Variants in BTBD8 observed in about 807,000 individuals in gnomAD.
The protein encoded by BTBD8 is BTB domain containing 8.
In BTBD8, 110 loss-of-function variants were observed where a neutral mutation model predicts 162.9. The observed-to-expected ratio is 0.68, with a 90% confidence interval of 0.58 to 0.79. The LOEUF is 0.79. Among genes scored for constraint, BTBD8 ranks in the 30% least tolerant of loss-of-function variants. The probability of loss-of-function intolerance (pLI) is 0.00; values close to 1 mark genes in which losing one functional copy is unlikely to be tolerated. For synonymous variants in BTBD8, 667 were observed against 716.1 expected (o/e 0.93, Z 1.10); for missense variants, 1,905 against 2,085.4 (o/e 0.91, Z 1.68).
Position 92,176,909 on chromosome 1 carries a change from T to C in BTBD8, c.1716T>C (p.Tyr572=), listed in dbSNP as rs1650729616. 3.9e-6 allele frequency: 6 copies of C among 1,535,066 alleles called. No homozygotes were observed. Among genetic ancestry groups the C allele is most frequent in the Non-Finnish European group, 5.3e-6 (6 of 1,140,984 alleles). The change falls in exon 14 of 18, where the codon TAT becomes TAC. Residue 572 remains tyrosine, a synonymous_variant. Coordinates refer to ENST00000636805, the MANE Select transcript of BTBD8 (RefSeq NM_001376131.1). ...RGNNKKECWS[Y]LSTNKKMKSD... ...ATAACAAGAAAGAGTGTTGGAGTTA[T>C]CTCTCTACTAATAAAAAGATGAAAT... is the stretch of plus-strand genomic sequence containing the variant.
chr1:92,101,072 C>T (rs1432541027), intron 2 of BTBD8, among the ~76,000 whole-genome samples: 3 of 152,082 alleles, frequency 2.0e-5, no homozygotes, highest in Non-Finnish European at 4.4e-5. Context: ...TATCCCTCAT[C>T]CTCCTTCCAC....
intron 6 of BTBD8, 52 bp from the exon 7 acceptor site, chr1:92,141,063 G>T: frequency 6.9e-7 from 1 of 1,459,780 alleles, no homozygotes; most frequent in Non-Finnish European, 9.1e-7. Flanking sequence ...AGTATGTGTT[G>T]TGCCTTGATT....
chr1:92,125,715 A>C (rs556367238), intron 4 of BTBD8: 1 of 432,360 alleles, frequency 2.3e-6, no homozygotes, highest in African/African-American at 2.0e-5. Context: ...AGCCAAAGCC[A>C]TTGAAAAGAA....
At position 92,181,779 on chromosome 1, in the gene BTBD8, C is replaced by G; in HGVS notation, c.4096C>G (p.Arg1366Gly). 1 of 1,551,168 alleles carries G rather than the reference C, an allele frequency of 6.4e-7. No individual in the cohort carries two copies. Among genetic ancestry groups the G allele is most frequent in the Non-Finnish European group, 8.7e-7 (1 of 1,146,904 alleles). The change falls in exon 17 of 18, where the codon CGA (arginine) becomes GGA (glycine). Residue 1366 changes from arginine to glycine, a missense_variant. By Grantham distance (125) the Arg-to-Gly change is moderately radical. Around this residue, in one of 3 missense-constraint regions of BTBD8, gnomAD observed 517 missense variants for 606.6 expected, o/e 0.85. Transcript: ENST00000636805. ...CTCTAGGGAAAGAGAAAATATTCCA[C>G]GAGGCAGTGTCCAGTTTGCTCAGGA... ...VHSRERENIPRGSVQFAQEID... is the reference protein window; with the variant it reads ...VHSRERENIPGGSVQFAQEID...
At chr1:92,179,083 T>C (rs536626826) in intron 16 of BTBD8, among the ~76,000 whole-genome samples, 12 of 152,128 alleles carry the variant, frequency 7.9e-5, no homozygotes, top group African/African-American at 2.9e-4. Context: ...CCATCTCTAC[T>C]AAAAACACAA....
chr1:92,126,861 T>C (rs1050255416), intron 4 of BTBD8, among the ~76,000 whole-genome samples: 53 of 152,354 alleles, frequency 3.5e-4, no homozygotes, highest in African/African-American at 1.3e-3. Context: ...TGTGGCTATA[T>C]ATGCTGTATT....
chr1:92,097,439 A>G (rs1358546580), intron 2 of BTBD8, among the ~76,000 whole-genome samples: 1 of 152,154 alleles, frequency 6.6e-6, no homozygotes, highest in East Asian at 1.9e-4. Flanking sequence ...TGTATGAGTC[A>G]GTGGTTTTAA....
At chr1:92,148,431 A>G (rs1056105039) in intron 9 of BTBD8, among the ~76,000 whole-genome samples, 22 of 152,332 alleles carry the variant, frequency 1.4e-4, no homozygotes, top group Admixed American at 1.0e-3. Flanking sequence ...AAAGATTCCA[A>G]TCATCCTGAA....
chr1:92,152,066 TA>T (rs1650057887), intron 9 of BTBD8, among the ~76,000 whole-genome samples: 1 of 152,200 alleles, frequency 6.6e-6, no homozygotes, highest in Non-Finnish European at 1.5e-5. Context: ...ATCAAAGAGT[TA>T]AGTGCCCTGT....
intron 9 of BTBD8, among the ~76,000 whole-genome samples, chr1:92,150,158 GC>G (rs1315070391): frequency 1.3e-5 from 2 of 152,172 alleles, no homozygotes; most frequent in African/African-American, 4.8e-5. Context: ...ACAATGTATA[GC>G]AAAACTAATT....
intron 6 of BTBD8, 36 bp downstream of exon 6, chr1:92,139,466 GAGTT>G: frequency 1.9e-6 from 3 of 1,583,838 alleles, no homozygotes; most frequent in Non-Finnish European, 1.7e-6. Context: ...AAATATAAAA[GAGTT>G]AGGTTCTGCT....
intron 12 of BTBD8, among the ~76,000 whole-genome samples, chr1:92,171,002 C>T (rs1443203635): frequency 6.6e-6 from 1 of 151,678 alleles, no homozygotes; most frequent in African/African-American, 2.4e-5. Flanking sequence ...AACATTTTCT[C>T]ATATTTAATA....
chr1:92,108,024 C>T (rs1211970336), intron 4 of BTBD8, 23 bp downstream of exon 4: 1 of 1,586,762 alleles, frequency 6.3e-7, no homozygotes, highest in Non-Finnish European at 8.7e-7. Flanking sequence ...GACTGATTTG[C>T]TGTCTTGGTT....
In BTBD8 at chr1:92,181,451, C is replaced by T; in HGVS notation, c.3768C>T (p.Thr1256=). Residue 1256 remains threonine (T), a synonymous_variant, in exon 17 of 18, where the codon ACC becomes ACT. Transcript: ENST00000636805. ...ESPESDTGSA[T]TSSDDIKPRS... ...CTGAATCTGACACTGGCAGTGCTAC[C>T]ACCTCCTCCGATGACATAAAGCCCA... The T allele has an allele frequency of 1.9e-6, 3 of 1,551,642 alleles. No homozygotes were observed. Among genetic ancestry groups the T allele is most frequent in the Non-Finnish European group, 2.6e-6 (3 of 1,146,962 alleles).
At chr1:92,091,836 A>G (rs1648311271) in intron 2 of BTBD8, among the ~76,000 whole-genome samples, 1 of 152,188 alleles carries the variant, frequency 6.6e-6, no homozygotes, top group Non-Finnish European at 1.5e-5. Flanking sequence ...GTATTGCGTA[A>G]GGAAGGGATC....
intron 5 of BTBD8, among the ~76,000 whole-genome samples, chr1:92,136,068 A>G (rs1334932194): frequency 6.7e-6 from 1 of 149,508 alleles, no homozygotes; most frequent in Non-Finnish European, 1.5e-5. Flanking sequence ...TTTCCTAAGT[A>G]TTAAAGATGC....
intron 2 of BTBD8, 33 bp downstream of exon 2, chr1:92,088,928 A>G: frequency 6.7e-7 from 1 of 1,492,512 alleles, no homozygotes; most frequent in Non-Finnish European, 9.1e-7. Flanking sequence ...TAAGTCTAAT[A>G]TGTAATTGCT....
At chr1:92,096,108 A>C (rs1489939728) in intron 2 of BTBD8, among the ~76,000 whole-genome samples, 4 of 151,946 alleles carry the variant, frequency 2.6e-5, no homozygotes, top group African/African-American at 9.7e-5. Context: ...AGTAGCTGGG[A>C]TTACAGGCTC....
intron 13 of BTBD8, among the ~76,000 whole-genome samples, chr1:92,173,614 G>C (rs1557465051): frequency 6.6e-6 from 1 of 152,224 alleles, no homozygotes; most frequent in East Asian, 1.9e-4. Context: ...TTTCTGTTAA[G>C]AACAATGGGA....
Sources: allele counts gnomAD v4.1 joint callset (sites outside exome capture counted in the v4.1 genomes callset), GRCh38; gene constraint gnomAD v4.1.1; regional missense constraint gnomAD v4.1.1; transcripts MANE v1.5; gene names NCBI Gene and HGNC (gene_info 2026-07-23, HGNC 2026-07-21).